Variants in RGS12 observed in about 807,000 individuals in gnomAD.
RGS12 encodes the protein regulator of G-protein signaling 12.
Under a neutral mutation model 120.1 loss-of-function variants are expected in RGS12, and 66 were observed. The observed-to-expected ratio is 0.55, with a 90% CI of 0.45 to 0.67. The LOEUF is 0.67. RGS12 is among the 30% of genes least tolerant of loss of function. The pLI, the probability that RGS12 is intolerant of heterozygous loss-of-function variation, is 0.00. For missense variants in RGS12, 1,859 were observed against 1,957.7 expected (o/e 0.95, Z 0.95); for synonymous variants, 827 against 804.7 (o/e 1.03, Z -0.47).
chr4:3,436,226 T>A (rs571996272), intron 17 of RGS12, among the ~76,000 whole-genome samples: 1 of 151,702 alleles, frequency 6.6e-6, no homozygotes, highest in East Asian at 1.9e-4. Context: ...GCCCGTGGGG[T>A]GCGCTGTGGT....
In RGS12 at chr4:3,366,605, C is replaced by T. The variant is rs6843312; in HGVS notation, c.1999-19811C>T. Among the ~76,000 whole-genome samples the T allele has an allele frequency of 0.43, 66,080 of 152,060 alleles. 16,357 individuals are homozygous for T. The highest frequency in any genetic ancestry group is 0.7 in the African/African-American group (28,919 of 41,468). ...GTCCCGGTTCCTGGGTGTTCCGCGC[C>T]CGTCTCCTTTCTGCTGTTGAGAAAC... On this transcript the variant is annotated intron_variant, in intron 3 of 17. Transcript: ENST00000336727. This position sits in a 1 kb window ranked among gnomAD's most constrained non-coding sequence, Gnocchi z 4.0.
chr4:3,376,351 G>C (rs1717694292), intron 3 of RGS12, among the ~76,000 whole-genome samples: 1 of 151,860 alleles, frequency 6.6e-6, no homozygotes, highest in South Asian at 2.1e-4. Flanking sequence ...CCTCCCCGCA[G>C]ACCGTGGTGG....
At chr4:3,427,983 G>A in intron 14 of RGS12, 107 bp from the exon 15 acceptor site, 1 of 1,072,766 alleles carries the variant, frequency 9.3e-7, no homozygotes, top group Non-Finnish European at 1.4e-6. Context: ...CAGATGCCTT[G>A]TGGCTTCTCT....
chr4:3,417,380 G>T lies in RGS12; in HGVS notation c.2608-8G>T. 1 of 1,561,682 alleles carries T rather than the reference G, an allele frequency of 6.4e-7. No homozygotes were observed. Among genetic ancestry groups the T allele is most frequent in the Non-Finnish European group, 8.7e-7 (1 of 1,152,340 alleles). ...ATTGTTTTAACCAAGGTTTCCATTT[G>T]ATGACAGTTAAGTGGAAAATCAAAA... On this transcript the variant is annotated splice_polypyrimidine_tract_variant and splice_region_variant and intron_variant, in intron 8 of 17. Coordinates refer to ENST00000336727, the MANE Select transcript of RGS12 (RefSeq NM_001394154.1).
rs560517141 is a variant in RGS12 at position 3,381,091 on chromosome 4, C to A, written c.1999-5325C>A. On this transcript the variant is annotated intron_variant, in intron 3 of 17. Transcript: ENST00000336727. Reference sequence around the variant, plus strand: ...ATCATCTCTCTTACGTTCAAAGTTCCGCAGATATCTAGGGCAGGGACAAAG... The same window carrying A: ...ATCATCTCTCTTACGTTCAAAGTTCAGCAGATATCTAGGGCAGGGACAAAG... Among the ~76,000 whole-genome samples the A allele has an allele frequency of 9.7e-4, 148 of 152,296 alleles. 1 individual carries two copies. Among genetic ancestry groups the A allele is most frequent in the African/African-American group, 3.4e-3 (142 of 41,556 alleles).
At chr4:3,428,289 T>C in intron 15 of RGS12, 120 bp downstream of exon 15, 1 of 986,590 alleles carries the variant, frequency 1.0e-6, no homozygotes, top group South Asian at 1.3e-5. Flanking sequence ...TCCCCCACGC[T>C]CCTTGGCGGG....
At chr4:3,437,848 G>A (rs1324005802) in intron 17 of RGS12, among the ~76,000 whole-genome samples, 1 of 152,198 alleles carries the variant, frequency 6.6e-6, no homozygotes, top group Non-Finnish European at 1.5e-5. Flanking sequence ...AACGGGCTGG[G>A]CACGCTCAAG....
chr4:3,370,051 A>G (rs1023797634), intron 3 of RGS12: 2 of 1,266,632 alleles, frequency 1.6e-6, no homozygotes, highest in Non-Finnish European at 2.0e-6. Context: ...AGCGTGATTT[A>G]TGTAAACGGC....
At chr4:3,419,642 C>T (rs1464577565) in intron 9 of RGS12, 1 of 152,020 alleles carries the variant, frequency 6.6e-6, no homozygotes, top group Non-Finnish European at 1.5e-5. Context: ...CACAGCAAGA[C>T]ACTCATCTCT....
chr4:3,427,638 A>G (rs1723791628), intron 14 of RGS12, among the ~76,000 whole-genome samples: 2 of 152,204 alleles, frequency 1.3e-5, no homozygotes, highest in Non-Finnish European at 2.9e-5. Flanking sequence ...TGGGAGGCTG[A>G]GGCAGGAGAA....
At chr4:3,303,389 A>G (rs743699) in intron 1 of RGS12, among the ~76,000 whole-genome samples, 50,376 of 152,150 alleles carry the variant, frequency 0.33, 9,045 homozygotes, top group African/African-American at 0.49. Flanking sequence ...GCCACAGGGC[A>G]CCTGCTGGCT....
intron 2 of RGS12, among the ~76,000 whole-genome samples, chr4:3,336,528 C>CT (rs2108753593): frequency 6.6e-6 from 1 of 152,210 alleles, no homozygotes; most frequent in South Asian, 2.1e-4. Flanking sequence ...TGTGTACAGT[C>CT]TATTTGTTCA....
chr4:3,410,919 G>A (rs1235833905), intron 4 of RGS12, among the ~76,000 whole-genome samples: 1 of 152,272 alleles, frequency 6.6e-6, no homozygotes, highest in Non-Finnish European at 1.5e-5. Context: ...CCTGTGTGAT[G>A]TGTGGCCGGT....
Position 3,343,192 on chromosome 4 carries a change from G to C in RGS12, c.1998+139G>C. The stretch of plus-strand genomic sequence containing the variant: ...TCTGTAGTGGTAACCCCTGTTTTCT[G>C]GGGGACAGCGTCCCATGCACATTTG... On this transcript the variant is annotated intron_variant, in intron 3 of 17. Coordinates refer to ENST00000336727, the MANE Select transcript of RGS12 (RefSeq NM_001394154.1). 4.8e-6 allele frequency: 3 copies of C among 621,088 alleles called. No homozygotes were observed. The Admixed American group carries it at 8.2e-5, about 17-fold the overall frequency. 38.5% of individuals were successfully genotyped at this position (621,088 alleles called of 1,614,324 possible). A position where few individuals can be genotyped will look rare whatever the true frequency, so the allele number is the denominator to read the frequency against.
intron 1 of RGS12, among the ~76,000 whole-genome samples, chr4:3,302,642 C>T (rs982468244): frequency 1.3e-5 from 2 of 152,200 alleles, no homozygotes; most frequent in Non-Finnish European, 1.5e-5. Context: ...CAGAAAGCCC[C>T]GGAAGGCTGT....
At chr4:3,375,801 G>A (rs1022375172) in intron 3 of RGS12, among the ~76,000 whole-genome samples, 1 of 152,226 alleles carries the variant, frequency 6.6e-6, no homozygotes, top group East Asian at 1.9e-4. Flanking sequence ...CTGGTGGCCA[G>A]CTGTGTTACG....
At chr4:3,361,673 G>A (rs78987758) in intron 3 of RGS12, among the ~76,000 whole-genome samples, 3,619 of 152,276 alleles carry the variant, frequency 0.024, 143 homozygotes, top group African/African-American at 0.082. Context: ...GGCAAGAGGT[G>A]GAGGTCAGAG....
At chr4:3,339,189 C>T (rs936892206) in intron 2 of RGS12, among the ~76,000 whole-genome samples, 3 of 152,118 alleles carry the variant, frequency 2.0e-5, no homozygotes, top group Non-Finnish European at 2.9e-5. Flanking sequence ...TCACCTGGGG[C>T]GTGGTCAGGG....
At chr4:3,401,558 C>G (rs1720587311) in intron 4 of RGS12, among the ~76,000 whole-genome samples, 1 of 152,238 alleles carries the variant, frequency 6.6e-6, no homozygotes, top group South Asian at 2.1e-4. Flanking sequence ...CTCACGCTGT[C>G]CCTGTGAAGT....
Sources: allele counts gnomAD v4.1 joint callset (sites outside exome capture counted in the v4.1 genomes callset), GRCh38; gene constraint gnomAD v4.1.1; non-coding constraint Gnocchi (gnomAD v3.1); transcripts MANE v1.5; gene names NCBI Gene and HGNC (gene_info 2026-07-23, HGNC 2026-07-21).